Variants in NAALADL2 observed in about 807,000 individuals in gnomAD.
The protein encoded by NAALADL2 is N-acetylated alpha-linked acidic dipeptidase like 2.
Under a neutral mutation model 87.2 loss-of-function variants are expected in NAALADL2, and 76 were observed. The ratio of observed to expected loss-of-function variants is 0.87; its 90% CI spans 0.72 to 1.05. The LOEUF (loss-of-function observed/expected upper bound fraction) is 1.05, where lower values mean the gene tolerates loss of function less well. Among genes scored for constraint, NAALADL2 ranks in the 50% least tolerant of loss-of-function variants. NAALADL2 has a pLI of 0.00. For missense variants in NAALADL2, 1,089 were observed against 945.8 expected, an observed-to-expected ratio of 1.15 and a Z score of -1.99; for synonymous variants, 354 against 331.0, an observed-to-expected ratio of 1.07 and a Z score of -0.75.
chr3:174,913,563 G>A (rs1018394780), intron 1 of NAALADL2, among the ~76,000 whole-genome samples: 3 of 152,070 alleles, frequency 2.0e-5, no homozygotes, highest in African/African-American at 7.2e-5. Flanking sequence ...TCCACCTCAG[G>A]CTACTCATTA....
chr3:174,970,411 G>GA (rs1743464908), intron 1 of NAALADL2, among the ~76,000 whole-genome samples: 1 of 152,116 alleles, frequency 6.6e-6, no homozygotes, highest in Non-Finnish European at 1.5e-5. Context: ...GGATTAGCAA[G>GA]AAAAAGCTCT....
intron 1 of NAALADL2, among the ~76,000 whole-genome samples, chr3:174,951,722 T>G (rs1347040406): frequency 6.6e-6 from 1 of 152,142 alleles, no homozygotes; most frequent in Non-Finnish European, 1.5e-5. Context: ...TCATCCTTCC[T>G]GCAATATGTC....
intron 11 of NAALADL2, among the ~76,000 whole-genome samples, chr3:175,628,215 C>T (rs1358821503): frequency 2.6e-5 from 4 of 151,794 alleles, no homozygotes; most frequent in South Asian, 4.1e-4. Context: ...ATGAGACATT[C>T]AAGACTTTTT....
intron 9 of NAALADL2, among the ~76,000 whole-genome samples, chr3:175,534,314 A>G (rs1042400767): frequency 6.6e-6 from 1 of 152,028 alleles, no homozygotes; most frequent in Non-Finnish European, 1.5e-5. Flanking sequence ...TTTATTAAGT[A>G]TTAACTCACA....
At chr3:174,532,082 A>G (rs950508308) in intron 1 of NAALADL2, among the ~76,000 whole-genome samples, 1 of 152,220 alleles carries the variant, frequency 6.6e-6, no homozygotes, top group Admixed American at 6.5e-5. Flanking sequence ...ATAAATATAA[A>G]CAGAGCAAAA....
chr3:174,956,945 C>A (rs944527544), intron 1 of NAALADL2, among the ~76,000 whole-genome samples: 1 of 151,920 alleles, frequency 6.6e-6, no homozygotes, highest in African/African-American at 2.4e-5. Flanking sequence ...TGACACAAGC[C>A]ATTCTCCTCC....
At chr3:174,980,724 TA>T (rs1197674355) in intron 1 of NAALADL2, among the ~76,000 whole-genome samples, 1 of 152,170 alleles carries the variant, frequency 6.6e-6, no homozygotes, top group Non-Finnish European at 1.5e-5. Context: ...TTATAATACA[TA>T]GGGCTAACAA....
At chr3:174,467,863 T>C (rs1716633528) in intron 1 of NAALADL2, among the ~76,000 whole-genome samples, 1 of 152,080 alleles carries the variant, frequency 6.6e-6, no homozygotes, top group African/African-American at 2.4e-5. Flanking sequence ...AACAGAATTA[T>C]TAATAAATAT....
intron 11 of NAALADL2, among the ~76,000 whole-genome samples, chr3:175,661,809 A>G (rs1251472395): frequency 6.6e-6 from 1 of 151,826 alleles, no homozygotes; most frequent in Admixed American, 6.6e-5. Flanking sequence ...GTGTAAAGTA[A>G]GAGTTTATAT....
chr3:174,856,074 A>G (rs1725838651), upstream of NAALADL2, among the ~76,000 whole-genome samples: 7 of 151,822 alleles, frequency 4.6e-5, no homozygotes, highest in South Asian at 1.5e-3. Context: ...TGGTATGATC[A>G]TAGCTTACTG....
At chr3:175,304,054 T>C (rs1476178505) in intron 4 of NAALADL2, among the ~76,000 whole-genome samples, 1 of 152,058 alleles carries the variant, frequency 6.6e-6, no homozygotes, top group East Asian at 1.9e-4. Flanking sequence ...GTAAAAGACC[T>C]ATACAACCAA....
At chr3:175,120,427 G>A (rs1027957824) in intron 2 of NAALADL2, among the ~76,000 whole-genome samples, 2 of 151,656 alleles carry the variant, frequency 1.3e-5, no homozygotes, top group Non-Finnish European at 3.0e-5. Context: ...TACTCCTTTG[G>A]GACCTGTTAT....
At chr3:174,964,239 C>G (rs748223996) in intron 1 of NAALADL2, among the ~76,000 whole-genome samples, 2 of 152,048 alleles carry the variant, frequency 1.3e-5, no homozygotes, top group Non-Finnish European at 2.9e-5. Context: ...AAAATGGTCT[C>G]TATTCATAGA....
intron 2 of NAALADL2, among the ~76,000 whole-genome samples, chr3:175,221,529 G>T (rs1235529138): frequency 6.6e-6 from 1 of 151,964 alleles, no homozygotes; most frequent in Non-Finnish European, 1.5e-5. Context: ...ATTCTATTAT[G>T]TACAGAGGAG....
intron 11 of NAALADL2, among the ~76,000 whole-genome samples, chr3:175,633,245 C>G (rs1728054770): frequency 6.6e-6 from 1 of 152,026 alleles, no homozygotes; most frequent in African/African-American, 2.4e-5. Flanking sequence ...CAGATCTTTG[C>G]TATTCTCAGT....
intron 1 of NAALADL2, among the ~76,000 whole-genome samples, chr3:174,480,093 A>T (rs1222959735): frequency 6.6e-6 from 1 of 152,170 alleles, no homozygotes; most frequent in East Asian, 1.9e-4. Context: ...GCTTGCCTTT[A>T]CAGATTTAGG....
rs559764592 is a variant in NAALADL2, at chr3:175,777,349, G to A, written c.2189+21931G>A. Among the ~76,000 whole-genome samples, 7 of 151,848 alleles carry A rather than the reference G, an allele frequency of 4.6e-5. No individual in the cohort carries two copies. In the South Asian group the frequency reaches 1.2e-3, roughly 27 times the overall value. On this transcript the variant is annotated intron_variant, in intron 13 of 13. Transcript: ENST00000454872. ...TGTTAAGCTAACCTCTCTGTGCCCC[G>A]TTTCCTTCTCTATAAAATGGAAATA...
At chr3:174,839,129 C>G (rs1479791931) in intron 3 of NAALADL2, among the ~76,000 whole-genome samples, 2 of 152,282 alleles carry the variant, frequency 1.3e-5, no homozygotes, top group Middle Eastern at 3.4e-3. Flanking sequence ...CAGAATGGTA[C>G]TGTTATAAAA....
rs73881337 is a variant in NAALADL2 at position 175,650,511 on chromosome 3, G to A, written c.1896+23125G>A. Among the ~76,000 whole-genome samples, 510 of 152,208 alleles carry A rather than the reference G, an allele frequency of 3.4e-3. 4 individuals are homozygous for A. Among genetic ancestry groups the A allele is most frequent in the African/African-American group, 0.011 (473 of 41,524 alleles). On this transcript the variant is annotated intron_variant, in intron 11 of 13. Coordinates refer to ENST00000454872, the MANE Select transcript of NAALADL2 (RefSeq NM_207015.3). ...TGGTGTATAACTATACCTCAATAAA[G>A]CTTTAAAAATACTAACACTCACTCC...
Sources: gnomAD v4.1 joint callset for allele counts (sites outside exome capture counted in the v4.1 genomes callset) on GRCh38, gnomAD v4.1.1 for gene constraint, MANE v1.5 for transcripts, NCBI Gene and HGNC (gene_info 2026-07-23, HGNC 2026-07-21) for gene names.